Variants in DGKI observed in about 807,000 individuals in gnomAD.
DGKI encodes DAG kinase iota.
In DGKI, 55 loss-of-function variants were observed where a neutral mutation model predicts 147.5. That is an observed-to-expected ratio of 0.37 (90% CI 0.30 to 0.47). The LOEUF is 0.47. DGKI is among the 20% of genes least tolerant of loss of function. The pLI is 1.00. For missense variants in DGKI, 1,007 were observed against 1,323.8 expected, an observed-to-expected ratio of 0.76 and a Z score of 3.71; for synonymous variants, 469 against 477.1, an observed-to-expected ratio of 0.98 and a Z score of 0.22.
intron 21 of DGKI, among the ~76,000 whole-genome samples, chr7:137,513,045 T>C (rs1816630087): frequency 6.6e-6 from 1 of 152,190 alleles, no homozygotes; most frequent in Non-Finnish European, 1.5e-5. Context: ...TGCCGAACCC[T>C]GTCACTGTCT....
chr7:137,837,392 G>C (rs1160155983), intron 1 of DGKI, among the ~76,000 whole-genome samples: 7 of 152,194 alleles, frequency 4.6e-5, no homozygotes, highest in Admixed American at 4.6e-4. Context: ...GCTGCCTCTG[G>C]GAATGGCCTT....
chr7:137,524,008 A>C (rs895885062), intron 20 of DGKI, among the ~76,000 whole-genome samples: 2 of 151,472 alleles, frequency 1.3e-5, no homozygotes, highest in Non-Finnish European at 2.9e-5. Flanking sequence ...AAATACCAAG[A>C]ATCCCATGGA....
chr7:137,570,332 C>A (rs1392826680), intron 19 of DGKI, among the ~76,000 whole-genome samples: 1 of 152,128 alleles, frequency 6.6e-6, no homozygotes, highest in Non-Finnish European at 1.5e-5. Context: ...AATTTCCTTC[C>A]TTAATGCAAG....
intron 1 of DGKI, among the ~76,000 whole-genome samples, chr7:137,706,289 G>A (rs577902641): frequency 6.6e-6 from 1 of 151,640 alleles, no homozygotes; most frequent in African/African-American, 2.4e-5. Flanking sequence ...AACTTTTGAT[G>A]TATTTCCTTT....
At chr7:137,697,476 A>G (rs1418346278) in intron 1 of DGKI, among the ~76,000 whole-genome samples, 1 of 152,238 alleles carries the variant, frequency 6.6e-6, no homozygotes, top group East Asian at 1.9e-4. Context: ...GAGATTGATA[A>G]AAGTCGGGAA....
intron 8 of DGKI, 147 bp from the exon 9 acceptor site, chr7:137,609,756 T>C: frequency 1.6e-6 from 1 of 618,220 alleles, no homozygotes; most frequent in Non-Finnish European, 2.9e-6. Flanking sequence ...TGTTCATGGA[T>C]AAGCCACAGA....
chr7:137,760,733 G>A (rs986703345), intron 1 of DGKI, among the ~76,000 whole-genome samples: 1 of 152,138 alleles, frequency 6.6e-6, no homozygotes, highest in Non-Finnish European at 1.5e-5. Flanking sequence ...TATTAGATGG[G>A]TCTGCTGAGG....
At chr7:137,660,911 G>A (rs1363248917) in intron 3 of DGKI, among the ~76,000 whole-genome samples, 1 of 152,008 alleles carries the variant, frequency 6.6e-6, no homozygotes, top group Non-Finnish European at 1.5e-5. Flanking sequence ...GGTCCTTCAG[G>A]GCCTGGGGTT....
rs576830332 is a variant in DGKI, at chr7:137,467,005, C to A, written c.2444-63G>T. On this transcript the variant is annotated intron_variant, in intron 24 of 32. Coordinates refer to ENST00000614521, the MANE Select transcript of DGKI (RefSeq NM_001321708.2). Reference sequence around the variant, plus strand: ...CTGTAATCTGGCACCAAATTTATAACCTTCTCTTCGACTATGCTGGTCAAA... The same window carrying A: ...CTGTAATCTGGCACCAAATTTATAAACTTCTCTTCGACTATGCTGGTCAAA... The A allele has an allele frequency of 1.5e-5, 23 of 1,525,104 alleles. No homozygotes were observed. The South Asian group carries it at 2.4e-4, about 16-fold the overall frequency. The allele number at this position is 1,525,104 out of a possible 1,614,324, so 94.5% of individuals were successfully genotyped here. A position where few individuals can be genotyped will look rare whatever the true frequency, so the allele number is the denominator to read the frequency against.
At chr7:137,485,518 T>C (rs919057915) in intron 22 of DGKI, 100 bp from the exon 23 acceptor site, 1 of 878,508 alleles carries the variant, frequency 1.1e-6, no homozygotes, top group Non-Finnish European at 1.8e-6. Flanking sequence ...AATATTACTA[T>C]GCTCATCTGG....
chr7:137,577,888 G>A (rs1381421629), intron 16 of DGKI, among the ~76,000 whole-genome samples: 1 of 152,166 alleles, frequency 6.6e-6, no homozygotes, highest in Non-Finnish European at 1.5e-5. Context: ...AAACGTCAAT[G>A]TGCGCACCCT....
chr7:137,647,542 A>C (rs984597094), intron 5 of DGKI, among the ~76,000 whole-genome samples: 3 of 152,316 alleles, frequency 2.0e-5, no homozygotes, highest in South Asian at 4.1e-4. Context: ...ACAATCGTAA[A>C]TATCCACCTG....
chr7:137,412,378 CA>C (rs773624819), intron 28 of DGKI, among the ~76,000 whole-genome samples, 171 bp from the exon 29 acceptor site: 36 of 152,218 alleles, frequency 2.4e-4, no homozygotes, highest in Non-Finnish European at 4.4e-4. Flanking sequence ...CTTCCCCACC[CA>C]GGTACCCATT....
In DGKI at chr7:137,552,715, C is replaced by T. The variant is rs187046531; in HGVS notation, c.1948-147G>A. 1,329 of 741,880 alleles carry T rather than the reference C, an allele frequency of 1.8e-3. 19 individuals are homozygous for T. The African/African-American group carries it at 0.021, about 12-fold the overall frequency. The allele number at this position is 741,880 out of a possible 1,614,324, so 46.0% of individuals were successfully genotyped here. A position where few individuals can be genotyped will look rare whatever the true frequency, so the allele number is the denominator to read the frequency against. ...CCGGTGGTCAGGAGTTCCAGAGCAG[C>T]CTGGCCAACATGGCGAGACCCGGTC... is the stretch of plus-strand genomic sequence containing the variant. On this transcript the variant is annotated intron_variant, in intron 19 of 32. Transcript: ENST00000614521.
At chr7:137,441,489 A>G (rs570252208) in intron 28 of DGKI, among the ~76,000 whole-genome samples, 23 of 152,218 alleles carry the variant, frequency 1.5e-4, no homozygotes, top group Admixed American at 1.3e-3. Flanking sequence ...ACTTGCTACA[A>G]TCCCATGAGG....
chr7:137,664,244 G>A (rs998905037), intron 3 of DGKI, among the ~76,000 whole-genome samples: 2 of 151,962 alleles, frequency 1.3e-5, no homozygotes, highest in African/African-American at 4.8e-5. Context: ...TGGGCATGGT[G>A]GCGGGCGCCT....
At chr7:137,744,213 C>T (rs139640382) in intron 1 of DGKI, among the ~76,000 whole-genome samples, 27 of 152,024 alleles carry the variant, frequency 1.8e-4, no homozygotes, top group Middle Eastern at 3.4e-3. Flanking sequence ...ATATCACAAC[C>T]GATCCCACAG....
At chr7:137,590,357 C>A (rs901706485) in intron 12 of DGKI, among the ~76,000 whole-genome samples, 3 of 152,198 alleles carry the variant, frequency 2.0e-5, no homozygotes, top group Non-Finnish European at 2.9e-5. Context: ...CTCAACCCGA[C>A]TTCCCAAAAG....
intron 6 of DGKI, among the ~76,000 whole-genome samples, chr7:137,632,480 T>C (rs1034046872): frequency 6.6e-6 from 1 of 152,142 alleles, no homozygotes; most frequent in African/African-American, 2.4e-5. Context: ...GTCCAAATAT[T>C]CTAAAGACTA....
Sources: allele counts gnomAD v4.1 joint callset (sites outside exome capture counted in the v4.1 genomes callset), GRCh38; gene constraint gnomAD v4.1.1; transcripts MANE v1.5; gene names NCBI Gene and HGNC (gene_info 2026-07-23, HGNC 2026-07-21).